Variants in FBXO16 observed in about 807,000 individuals in gnomAD.
The protein encoded by FBXO16 is F-box only protein 16.
In FBXO16, 31 loss-of-function variants were observed where a neutral mutation model predicts 41.0. The ratio of observed to expected loss-of-function variants is 0.76; its 90% CI spans 0.57 to 1.02. The LOEUF (loss-of-function observed/expected upper bound fraction) is 1.02, where lower values mean the gene tolerates loss of function less well. Ranked by LOEUF, FBXO16 falls within the 50% of genes least tolerant of loss-of-function variation. The pLI, the probability that FBXO16 is intolerant of heterozygous loss-of-function variation, is 0.00. For missense variants in FBXO16, 361 were observed against 346.2 expected, an observed-to-expected ratio of 1.04 and a Z score of -0.34; for synonymous variants, 133 against 117.8, an observed-to-expected ratio of 1.13 and a Z score of -0.84.
intron 7 of FBXO16, among the ~76,000 whole-genome samples, chr8:28,446,176 C>CTTT (rs11421643): frequency 0.15 from 12,722 of 82,892 alleles, 1,341 homozygotes; most frequent in Non-Finnish European, 0.2. Context: ...TGCATTTTTC[C>CTTT]TTTTTTTTTT....
At chr8:28,477,387 A>G (rs1354812072) in intron 2 of FBXO16, among the ~76,000 whole-genome samples, 1 of 152,178 alleles carries the variant, frequency 6.6e-6, no homozygotes, top group Non-Finnish European at 1.5e-5. Context: ...TCGGGCATCT[A>G]TTTTTAATTC....
At position 28,484,925 on chromosome 8, in the gene FBXO16, G is replaced by C. The variant is rs781457626; in HGVS notation, c.-16-1463C>G. Among the ~76,000 whole-genome samples the C allele has an allele frequency of 2.4e-3, 363 of 152,078 alleles. 3 individuals are homozygous for C. The highest frequency in any genetic ancestry group is 8.5e-3 in the African/African-American group (354 of 41,490). On this transcript the variant is annotated intron_variant, in intron 1 of 8. Coordinates refer to ENST00000380254, the MANE Select transcript of FBXO16 (RefSeq NM_172366.4). ...GAGTCTTGCTCTATCACCCAGGCTCGAGTGCAGTGACACGATCTCGGCTCA... is the reference window on the plus strand; with the variant it reads ...GAGTCTTGCTCTATCACCCAGGCTCCAGTGCAGTGACACGATCTCGGCTCA...
intron 7 of FBXO16, among the ~76,000 whole-genome samples, chr8:28,432,518 C>A (rs898678545): frequency 6.6e-6 from 1 of 151,900 alleles, no homozygotes; most frequent in African/African-American, 2.4e-5. Context: ...AACAAAAACC[C>A]AAATTAATAC....
chr8:28,469,902 A>AAAT (rs1341561506), intron 3 of FBXO16, among the ~76,000 whole-genome samples: 13 of 147,964 alleles, frequency 8.8e-5, no homozygotes, highest in East Asian at 7.9e-4. Flanking sequence ...CTCCGTCTCA[A>AAAT]AATAATAATA....
intron 3 of FBXO16, among the ~76,000 whole-genome samples, chr8:28,467,171 G>A (rs963787926): frequency 6.6e-6 from 1 of 152,058 alleles, no homozygotes; most frequent in African/African-American, 2.4e-5. Flanking sequence ...TGAGACCCAG[G>A]ATGATTACGG....
At position 28,465,339 on chromosome 8, in the gene FBXO16, T is replaced by C. The variant is rs145142449; in HGVS notation, c.136-1521A>G. 799 of 438,576 alleles carry C rather than the reference T, an allele frequency of 1.8e-3. 3 individuals are homozygous for C. The highest frequency in any genetic ancestry group is 0.015 in the African/African-American group (739 of 49,056). The allele number at this position is 438,576 out of a possible 1,614,324, so 27.2% of individuals were successfully genotyped here. The stretch of plus-strand genomic sequence containing the variant: ...AGAAATGTGTTGAAGAAAGGAGAAA[T>C]AGGCCCCGTGTGGTGGCTCATGTCT... On this transcript the variant is annotated intron_variant, in intron 3 of 8. Transcript: ENST00000380254.
intron 7 of FBXO16, among the ~76,000 whole-genome samples, chr8:28,434,885 C>T (rs932307992): frequency 2.0e-5 from 3 of 152,238 alleles, no homozygotes; most frequent in Non-Finnish European, 2.9e-5. Context: ...CTCAAGGGAA[C>T]GTGGTGGCTC....
intron 7 of FBXO16, among the ~76,000 whole-genome samples, chr8:28,444,977 G>A (rs548142352): frequency 2.0e-4 from 31 of 151,876 alleles, no homozygotes; most frequent in African/African-American, 5.1e-4. Context: ...GGAGGCCGAT[G>A]AGGGCAAACT....
chr8:28,462,927 G>C (rs549611240), intron 4 of FBXO16, among the ~76,000 whole-genome samples: 2 of 152,326 alleles, frequency 1.3e-5, no homozygotes, highest in East Asian at 3.8e-4. Flanking sequence ...TATTGCAGCT[G>C]AATGCTGTGC....
chr8:28,463,482 G>T, intron 4 of FBXO16, 130 bp downstream of exon 4: 2 of 837,014 alleles, frequency 2.4e-6, no homozygotes, highest in Non-Finnish European at 3.7e-6. Context: ...GTACATTTGT[G>T]TGTGTTTGTG....
At chr8:28,458,503 A>G (rs1256519058) in intron 4 of FBXO16, among the ~76,000 whole-genome samples, 1 of 151,102 alleles carries the variant, frequency 6.6e-6, no homozygotes, top group Non-Finnish European at 1.5e-5. Context: ...GGGGGAGAAA[A>G]GTCTCTCAAT....
At chr8:28,441,886 A>G (rs1802783053) in intron 7 of FBXO16, among the ~76,000 whole-genome samples, 1 of 145,058 alleles carries the variant, frequency 6.9e-6, no homozygotes, top group Non-Finnish European at 1.5e-5. Context: ...ATATATATAT[A>G]TAAACTCCAC....
At chr8:28,465,859 C>T (rs546330208) in intron 3 of FBXO16, among the ~76,000 whole-genome samples, 1 of 152,092 alleles carries the variant, frequency 6.6e-6, no homozygotes, top group East Asian at 1.9e-4. Flanking sequence ...TAAACTGGCA[C>T]TTTTTAAAGT....
chr8:28,480,826 C>T (rs1347050800), intron 2 of FBXO16, among the ~76,000 whole-genome samples: 2 of 152,096 alleles, frequency 1.3e-5, no homozygotes, highest in African/African-American at 4.8e-5. Context: ...TCTTATGCTT[C>T]AGGAACCAAA....
rs1055832963 is a variant in FBXO16 at position 28,478,264 on chromosome 8, T to C, written c.100-4457A>G. Among the ~76,000 whole-genome samples, 5 of 152,282 alleles carry C rather than the reference T, an allele frequency of 3.3e-5. No individual in the cohort carries two copies. The South Asian group carries it at 8.3e-4, about 25-fold the overall frequency. ...GGATAAAAATCTATTAAAGAACCAA[T>C]GAGTACTGTGATGTACTCGTTCCCC... On this transcript the variant is annotated intron_variant, in intron 2 of 8. Transcript: ENST00000380254.
intron 3 of FBXO16, among the ~76,000 whole-genome samples, chr8:28,464,469 C>G (rs891589134): frequency 6.6e-6 from 1 of 152,100 alleles, no homozygotes; most frequent in Non-Finnish European, 1.5e-5. Flanking sequence ...AGGATGAGCA[C>G]CTTGAGACTG....
intron 3 of FBXO16, among the ~76,000 whole-genome samples, chr8:28,472,557 A>G (rs1371764075): frequency 1.3e-5 from 2 of 152,138 alleles, no homozygotes; most frequent in Non-Finnish European, 2.9e-5. Context: ...CCTGGCCAAC[A>G]TGGTGAAACT....
chr8:28,485,794 A>T (rs780977679), intron 1 of FBXO16, among the ~76,000 whole-genome samples: 6 of 152,330 alleles, frequency 3.9e-5, no homozygotes, highest in Middle Eastern at 3.4e-3. Context: ...GCTAATGATA[A>T]AAGTACATGT....
intron 1 of FBXO16, among the ~76,000 whole-genome samples, chr8:28,484,681 T>C (rs1469922480): frequency 6.6e-6 from 1 of 152,218 alleles, no homozygotes; most frequent in Non-Finnish European, 1.5e-5. Context: ...AAGCTCCGCC[T>C]TCCGGGTTCA....
Sources: allele counts gnomAD v4.1 joint callset (sites outside exome capture counted in the v4.1 genomes callset), GRCh38; gene constraint gnomAD v4.1.1; transcripts MANE v1.5; gene names NCBI Gene and HGNC (gene_info 2026-07-23, HGNC 2026-07-21).